Variants in PFDN1 observed in about 807,000 individuals in gnomAD.
PFDN1 encodes the protein prefoldin subunit 1.
PFDN1 carries 6 observed loss-of-function variants against 17.3 expected under a neutral mutation model. That is an observed-to-expected ratio of 0.35 (90% CI 0.19 to 0.69). PFDN1 has a LOEUF of 0.69. Among genes scored for constraint, PFDN1 ranks in the 30% least tolerant of loss-of-function variants. The pLI is 0.65. For synonymous variants in PFDN1, 58 were observed against 50.1 expected, an observed-to-expected ratio of 1.16 and a Z score of -0.67; for missense variants, 113 against 146.2, an observed-to-expected ratio of 0.77 and a Z score of 1.17.
intron 2 of PFDN1, among the ~76,000 whole-genome samples, chr5:140,284,670 A>C (rs1456470625): frequency 6.6e-6 from 1 of 152,240 alleles, no homozygotes; most frequent in Non-Finnish European, 1.5e-5. Flanking sequence ...TGTACCAATA[A>C]GGAAAAATAA....
intron 3 of PFDN1, among the ~76,000 whole-genome samples, chr5:140,267,568 G>A (rs1765150208): frequency 6.6e-6 from 1 of 152,164 alleles, no homozygotes; most frequent in Admixed American, 6.5e-5. Context: ...AATGAGAATG[G>A]CACCATGTTC....
chr5:140,260,729 G>C (rs1192932113), intron 3 of PFDN1, among the ~76,000 whole-genome samples: 3 of 151,622 alleles, frequency 2.0e-5, no homozygotes, highest in Admixed American at 1.3e-4. Flanking sequence ...TTTCTTTTGG[G>C]GGCAATAAAA....
At chr5:140,299,355 A>G (rs1162104285) in intron 2 of PFDN1, among the ~76,000 whole-genome samples, 1 of 152,212 alleles carries the variant, frequency 6.6e-6, no homozygotes, top group Non-Finnish European at 1.5e-5. Context: ...CTGTAATCCC[A>G]GCACTGTGGG....
intron 3 of PFDN1, among the ~76,000 whole-genome samples, chr5:140,263,119 C>T (rs1250323673): frequency 2.0e-5 from 3 of 152,198 alleles, no homozygotes; most frequent in Non-Finnish European, 2.9e-5. Flanking sequence ...GTTATAGTCC[C>T]GGCCTCCTCC....
At position 140,251,677 on chromosome 5, in the gene PFDN1, C is replaced by T. The variant is rs572643651; in HGVS notation, c.286-5620G>A. Among the ~76,000 whole-genome samples, 10 of 152,260 alleles carry T rather than the reference C, an allele frequency of 6.6e-5. No homozygotes were observed. The East Asian group carries it at 1.2e-3, about 18-fold the overall frequency. ...TCAAACCACAAAGCTCTGGGTGCAG[C>T]GACATTCTTGTGGGCCCTTGCCGTG... On this transcript the variant is annotated intron_variant, in intron 3 of 3. Transcript: ENST00000261813.
chr5:140,261,919 T>C (rs1765070960), intron 3 of PFDN1, among the ~76,000 whole-genome samples: 3 of 151,778 alleles, frequency 2.0e-5, no homozygotes, highest in South Asian at 4.2e-4. Context: ...CATGATGAAA[T>C]CACTCTACAG....
chr5:140,260,858 C>G (rs552733377), intron 3 of PFDN1, among the ~76,000 whole-genome samples: 1 of 151,956 alleles, frequency 6.6e-6, no homozygotes, highest in South Asian at 2.1e-4. Context: ...TGCTGCACCA[C>G]AAGGGGAGAA....
intron 3 of PFDN1, among the ~76,000 whole-genome samples, chr5:140,260,697 G>T (rs1765052539): frequency 6.6e-6 from 1 of 151,512 alleles, no homozygotes; most frequent in South Asian, 2.1e-4. Flanking sequence ...GGAATGGGCA[G>T]TCTCACTGCT....
intron 3 of PFDN1, among the ~76,000 whole-genome samples, chr5:140,271,877 T>C (rs1198495133): frequency 6.6e-6 from 1 of 151,364 alleles, no homozygotes; most frequent in African/African-American, 2.4e-5. Flanking sequence ...ATTTTGTTCA[T>C]GTAAAGTTCA....
In PFDN1 at chr5:140,272,552, G is replaced by T. The variant is rs549348637; in HGVS notation, c.285+8897C>A. ...TTTTTGTAGTTTTAGTAGAGACGGG[G>T]TTTCACCATCTTGGCCAGGCTGGTC... is the stretch of plus-strand genomic sequence containing the variant. On this transcript the variant is annotated intron_variant, in intron 3 of 3. Transcript: ENST00000261813. Among the ~76,000 whole-genome samples, 7 of 144,512 alleles carry T rather than the reference G, an allele frequency of 4.8e-5. No homozygotes were observed. The South Asian group carries it at 1.6e-3, about 33-fold the overall frequency. The allele number at this position is 144,512 out of a possible 152,430, so 94.8% of individuals were successfully genotyped here. A position where few individuals can be genotyped will look rare whatever the true frequency, so the allele number is the denominator to read the frequency against.
In PFDN1 at chr5:140,303,038, T is replaced by C. The variant is rs1438532695; in HGVS notation, c.33+3A>G. 2 of 1,609,724 alleles carry C rather than the reference T, an allele frequency of 1.2e-6. No homozygotes were observed. The highest frequency in any genetic ancestry group is 1.1e-5 in the South Asian group (1 of 91,006). On this transcript the variant is annotated splice_donor_region_variant and intron_variant, in intron 1 of 3. Coordinates refer to ENST00000261813, the MANE Select transcript of PFDN1 (RefSeq NM_002622.5). ...CCTCCGCCTGCCAAAGACCCTCTTT[T>C]ACCTTCTTCAGCTCTAGATCCACGG...
intron 3 of PFDN1, among the ~76,000 whole-genome samples, chr5:140,258,391 G>A (rs548162809): frequency 2.7e-5 from 4 of 149,586 alleles, no homozygotes; most frequent in Non-Finnish European, 5.9e-5. Flanking sequence ...ACCTTTGTCC[G>A]GTTACCCCAG....
intron 3 of PFDN1, among the ~76,000 whole-genome samples, chr5:140,269,034 T>TG (rs1350731353): frequency 2.0e-5 from 3 of 152,138 alleles, no homozygotes; most frequent in Non-Finnish European, 2.9e-5. Context: ...TTTTTTGAGA[T>TG]GGGGGGCTCG....
chr5:140,270,088 T>G (rs1765184634), intron 3 of PFDN1, among the ~76,000 whole-genome samples: 1 of 152,220 alleles, frequency 6.6e-6, no homozygotes, highest in South Asian at 2.1e-4. Context: ...TACCTCAGGT[T>G]GGAGGACACC....
intron 2 of PFDN1, among the ~76,000 whole-genome samples, chr5:140,291,471 T>A (rs1355960537): frequency 6.6e-6 from 1 of 152,044 alleles, no homozygotes; most frequent in African/African-American, 2.4e-5. Flanking sequence ...ACAGCAAAAA[T>A]TTTATCTTGG....
chr5:140,285,034 C>T (rs1486836581), intron 2 of PFDN1, among the ~76,000 whole-genome samples: 1 of 152,190 alleles, frequency 6.6e-6, no homozygotes, highest in Non-Finnish European at 1.5e-5. Context: ...CTGCCCAAAA[C>T]ACAATCCCAG....
At chr5:140,257,442 C>A (rs1765004748) in intron 3 of PFDN1, among the ~76,000 whole-genome samples, 1 of 152,116 alleles carries the variant, frequency 6.6e-6, no homozygotes, top group African/African-American at 2.4e-5. Context: ...CTGTGACCTC[C>A]ACCTGGAATG....
chr5:140,271,065 A>T (rs568223417), intron 3 of PFDN1, among the ~76,000 whole-genome samples: 1 of 152,350 alleles, frequency 6.6e-6, no homozygotes, highest in Non-Finnish European at 1.5e-5. Flanking sequence ...AACATATACA[A>T]TGAACAAGGC....
At chr5:140,268,662 A>G (rs188903324) in intron 3 of PFDN1, among the ~76,000 whole-genome samples, 1 of 152,284 alleles carries the variant, frequency 6.6e-6, no homozygotes, top group East Asian at 1.9e-4. Context: ...ACAACAAAAA[A>G]AAGTTCATAA....
Sources: allele counts gnomAD v4.1 joint callset (sites outside exome capture counted in the v4.1 genomes callset), GRCh38; gene constraint gnomAD v4.1.1; transcripts MANE v1.5; gene names NCBI Gene and HGNC (gene_info 2026-07-23, HGNC 2026-07-21).